NFAM1: variants seen among roughly 807,000 people sequenced by gnomAD.
The protein encoded by NFAM1 is NFAT activating protein with ITAM motif 1, also known as NFAT activation molecule 1.
A neutral mutation model predicts 29.0 loss-of-function variants in NFAM1; 17 were observed. That is an observed-to-expected ratio of 0.59 (90% CI 0.40 to 0.88). The LOEUF (loss-of-function observed/expected upper bound fraction) is 0.88. Ranked by LOEUF, NFAM1 falls within the 40% of genes least tolerant of loss-of-function variation. The pLI is 0.00. For synonymous variants in NFAM1, 175 were observed against 147.2 expected (o/e 1.19, Z -1.36); for missense variants, 324 against 344.6 (o/e 0.94, Z 0.47).
At chr22:42,425,317 G>A (rs1930589065) in intron 1 of NFAM1, among the ~76,000 whole-genome samples, 1 of 152,088 alleles carries the variant, frequency 6.6e-6, no homozygotes, top group Non-Finnish European at 1.5e-5. Flanking sequence ...TTCCTTCTGT[G>A]GGATCTGTTG....
intron 3 of NFAM1, among the ~76,000 whole-genome samples, chr22:42,404,760 C>CA (rs554252819): frequency 3.2e-4 from 48 of 149,332 alleles, no homozygotes; most frequent in African/African-American, 1.2e-3. Context: ...GAGGCTGAGG[C>CA]AGGAGAATCA....
chr22:42,417,305 C>A lies in NFAM1; in HGVS notation c.122-5569G>T, dbSNP rs182981070. On this transcript the variant is annotated intron_variant, in intron 1 of 5. Transcript: ENST00000329021. Reference sequence around the variant, plus strand: ...ACCATAGAACTTTGACTTAGAGTGACCAGAGGAGCTGAGTTTTGCCAGGAG... The same window carrying A: ...ACCATAGAACTTTGACTTAGAGTGAACAGAGGAGCTGAGTTTTGCCAGGAG... Among the ~76,000 whole-genome samples, 48 of 152,262 alleles carry A rather than the reference C, an allele frequency of 3.2e-4. 1 individual carries two copies. Among genetic ancestry groups the A allele is most frequent in the African/African-American group, 1.1e-3 (45 of 41,546 alleles).
At chr22:42,412,323 C>T (rs1475831567) in intron 1 of NFAM1, among the ~76,000 whole-genome samples, 3 of 152,166 alleles carry the variant, frequency 2.0e-5, no homozygotes, top group South Asian at 2.1e-4. Flanking sequence ...TGCTGTGTGC[C>T]GGAGTTGTGC....
chr22:42,397,636 G>C (rs1929574010), intron 4 of NFAM1, among the ~76,000 whole-genome samples: 1 of 152,216 alleles, frequency 6.6e-6, no homozygotes, highest in African/African-American at 2.4e-5. Flanking sequence ...GGGGGCACCT[G>C]ACATTCGTAT....
chr22:42,396,258 G>A (rs1020265937), intron 4 of NFAM1, among the ~76,000 whole-genome samples: 2 of 152,128 alleles, frequency 1.3e-5, no homozygotes, highest in Admixed American at 1.3e-4. Context: ...CTGCTCAAAA[G>A]AGCTCTTCCG....
rs1001570339 is a variant in NFAM1, at chr22:42,432,184, G to T, written c.121+53C>A. 5 of 1,484,994 alleles carry T rather than the reference G, an allele frequency of 3.4e-6. No individual in the cohort carries two copies. The East Asian group carries it at 1.2e-4, about 36-fold the overall frequency. The allele number at this position is 1,484,994 out of a possible 1,614,324, so 92.0% of individuals were successfully genotyped here. A position where few individuals can be genotyped will look rare whatever the true frequency, so the allele number is the denominator to read the frequency against. The stretch of plus-strand genomic sequence containing the variant: ...AGCTGCGCCGGGCGGGATGAAAGCC[G>T]CTCTGATGTTCTGGAGCGAGAGAGT... On this transcript the variant is annotated intron_variant, in intron 1 of 5. Coordinates refer to ENST00000329021, the MANE Select transcript of NFAM1 (RefSeq NM_145912.8).
intron 1 of NFAM1, among the ~76,000 whole-genome samples, chr22:42,428,395 A>G (rs1930692329): frequency 2.0e-5 from 3 of 152,184 alleles, no homozygotes; most frequent in Admixed American, 2.0e-4. Flanking sequence ...GAAGGGAGGC[A>G]GGAGGTCTCA....
chr22:42,401,688 G>A (rs1929731567), intron 3 of NFAM1, among the ~76,000 whole-genome samples: 1 of 152,130 alleles, frequency 6.6e-6, no homozygotes, highest in Non-Finnish European at 1.5e-5. Flanking sequence ...ATTTTCAGAT[G>A]AATCACGAGT....
intron 1 of NFAM1, among the ~76,000 whole-genome samples, chr22:42,412,146 C>T (rs980996931): frequency 6.6e-6 from 1 of 151,938 alleles, no homozygotes; most frequent in African/African-American, 2.4e-5. Context: ...GCAGGAGAAT[C>T]GCTTGAACCT....
chr22:42,412,972 C>A (rs1930144358), intron 1 of NFAM1, among the ~76,000 whole-genome samples: 1 of 152,226 alleles, frequency 6.6e-6, no homozygotes, highest in African/African-American at 2.4e-5. Flanking sequence ...AGCAGCCCTG[C>A]CTGGGGGGCT....
chr22:42,422,359 AC>A (rs1238385045), intron 1 of NFAM1, among the ~76,000 whole-genome samples: 2 of 152,122 alleles, frequency 1.3e-5, no homozygotes, highest in East Asian at 3.9e-4. Context: ...TAATCCCAGC[AC>A]TTTGGGAAGC....
intron 1 of NFAM1, among the ~76,000 whole-genome samples, chr22:42,426,958 G>A (rs927343623): frequency 6.6e-6 from 1 of 152,146 alleles, no homozygotes; most frequent in Admixed American, 6.5e-5. Context: ...ATTGCTGTCT[G>A]GGAGGATGCT....
chr22:42,436,852 C>T (rs1930952292), upstream of NFAM1: 1 of 305,790 alleles, frequency 3.3e-6, no homozygotes, highest in African/African-American at 2.2e-5. Context: ...CGGGACCTGG[C>T]TTTAACCACT....
chr22:42,435,815 CTTT>C (rs890914167), upstream of NFAM1, among the ~76,000 whole-genome samples: 3 of 94,248 alleles, frequency 3.2e-5, no homozygotes. Context: ...TTTTCTTCTT[CTTT>C]TTTTTTTTTT....
intron 1 of NFAM1, among the ~76,000 whole-genome samples, chr22:42,412,473 G>A (rs893724491): frequency 1.3e-4 from 20 of 152,220 alleles, no homozygotes; most frequent in Admixed American, 3.9e-4. Flanking sequence ...GTAGAGAGTG[G>A]AGCTACAACC....
At position 42,391,537 on chromosome 22, in the gene NFAM1, G is replaced by T. The variant is rs567055362; in HGVS notation, c.664-4459C>A. On this transcript the variant is annotated intron_variant, in intron 4 of 5. Transcript: ENST00000329021. ...AGATTTGTTGATAGATCAGATATGG[G>T]CAGTGATTGAAACACAGATGGAGAG... 7.2e-4 allele frequency among the ~76,000 whole-genome samples: 109 copies of T among 152,274 alleles called. 1 individual carries two copies. Among genetic ancestry groups the T allele is most frequent in the African/African-American group, 2.5e-3 (102 of 41,562 alleles).
At position 42,387,013 on chromosome 22, in the gene NFAM1, G is replaced by A. The variant is rs45551335; in HGVS notation, c.729C>T (p.Thr243=). 64,296 of 1,576,030 alleles carry A rather than the reference G, an allele frequency of 0.041. 3,100 individuals carry two copies. The highest frequency in any genetic ancestry group is 0.22 in the African/African-American group (16,171 of 72,230). ...CCTGGGAGAGGGGGCTCTGCTTGGC[G>A]GTGGGTGAGCTGCCATCCTCATTCT... is the stretch of plus-strand genomic sequence containing the variant. ...CIENEDGSSP[T]AKQSPLSQER... The change falls in exon 5 of 6, where the codon ACC becomes ACT. Residue 243 remains threonine, a synonymous_variant. Coordinates refer to ENST00000329021, the MANE Select transcript of NFAM1 (RefSeq NM_145912.8).
At chr22:42,433,793 C>T (rs561603756), upstream of NFAM1, among the ~76,000 whole-genome samples, 12 of 152,330 alleles carry the variant, frequency 7.9e-5, no homozygotes, top group South Asian at 2.5e-3. Flanking sequence ...TACATGCTCA[C>T]ATATGTCACA....
In NFAM1 at chr22:42,432,258, G is replaced by A; in HGVS notation, c.100C>T (p.Pro34Ser). 1 of 1,572,320 alleles carries A rather than the reference G, an allele frequency of 6.4e-7. No individual in the cohort carries two copies. The highest frequency in any genetic ancestry group is 8.6e-7 in the Non-Finnish European group (1 of 1,158,284). Reference protein sequence around the residue: ...PWLLLGVLLLPGTLRLAGGQS... With the variant: ...PWLLLGVLLLSGTLRLAGGQS... ...CTACCTGCCAGTCGCAGGGTCCCGGGCAGCAGCAGCACGCCAAGGAGGAGC... is the reference window on the plus strand; with the variant it reads ...CTACCTGCCAGTCGCAGGGTCCCGGACAGCAGCAGCACGCCAAGGAGGAGC... The change falls in exon 1 of 6, where the codon CCC becomes TCC. Residue 34 changes from proline (P) to serine (S), a missense_variant. By Grantham distance (74) the Pro-to-Ser change is moderately conservative. Coordinates refer to ENST00000329021, the MANE Select transcript of NFAM1 (RefSeq NM_145912.8).
Sources: gnomAD v4.1 joint callset for allele counts (sites outside exome capture counted in the v4.1 genomes callset) on GRCh38, gnomAD v4.1.1 for gene constraint, MANE v1.5 for transcripts, NCBI Gene and HGNC (gene_info 2026-07-23, HGNC 2026-07-21) for gene names.